KCNMA1: variants seen among roughly 807,000 people sequenced by gnomAD.
KCNMA1 encodes the protein Calcium-activated potassium channel subunit alpha-1.
A neutral mutation model predicts 140.0 loss-of-function variants in KCNMA1; 29 were observed. That is an observed-to-expected ratio of 0.21 (90% CI 0.15 to 0.28). The LOEUF is 0.28. KCNMA1 is among the 10% of genes least tolerant of loss of function. The pLI is 1.00. For synonymous variants in KCNMA1, 612 were observed against 611.9 expected, an observed-to-expected ratio of 1.00 and a Z score of 0.00; for missense variants, 880 against 1,602.2, an observed-to-expected ratio of 0.55 and a Z score of 7.70.
intron 1 of KCNMA1, among the ~76,000 whole-genome samples, chr10:77,484,711 G>C (rs1169799150): frequency 6.6e-6 from 1 of 152,204 alleles, no homozygotes; most frequent in Non-Finnish European, 1.5e-5. Flanking sequence ...AACAAGACAT[G>C]CTGGGCCCCA....
At chr10:77,086,323 T>G (rs971423051) in intron 11 of KCNMA1, among the ~76,000 whole-genome samples, 165 bp downstream of exon 11, 22 of 152,090 alleles carry the variant, frequency 1.4e-4, no homozygotes, top group Admixed American at 1.2e-3. Flanking sequence ...CTGGGACCAG[T>G]GGAAGGGTGA....
intron 2 of KCNMA1, among the ~76,000 whole-genome samples, chr10:77,364,044 C>A (rs1375160644): frequency 6.6e-6 from 1 of 152,210 alleles, no homozygotes; most frequent in African/African-American, 2.4e-5. Flanking sequence ...AGATCCTCAA[C>A]AACCTTTGTT....
chr10:77,018,170 C>T (rs539425210), intron 17 of KCNMA1, among the ~76,000 whole-genome samples: 1 of 152,268 alleles, frequency 6.6e-6, no homozygotes, highest in South Asian at 2.1e-4. Context: ...GAATGTAGCA[C>T]ACCTAGAACA....
intron 19 of KCNMA1, among the ~76,000 whole-genome samples, chr10:76,997,089 A>G (rs575933135): frequency 6.6e-6 from 1 of 152,284 alleles, no homozygotes. Flanking sequence ...TTCTATTGAC[A>G]ATGTTAATTC....
chr10:77,511,720 C>T (rs1198577747), intron 1 of KCNMA1, among the ~76,000 whole-genome samples: 3 of 152,132 alleles, frequency 2.0e-5, no homozygotes, highest in Non-Finnish European at 2.9e-5. Context: ...AGCTCATCTG[C>T]GTACTGTCAG....
intron 5 of KCNMA1, among the ~76,000 whole-genome samples, chr10:77,151,364 G>A (rs145651827): frequency 0.033 from 3 of 90 alleles, no homozygotes; most frequent in Non-Finnish European, 0.05. Flanking sequence ...AGTAGCTAGG[G>A]ACTCAGGTGA....
chr10:77,603,457 C>G (rs1181844052), intron 1 of KCNMA1, among the ~76,000 whole-genome samples: 1 of 152,200 alleles, frequency 6.6e-6, no homozygotes, highest in East Asian at 1.9e-4. Flanking sequence ...GCAATCCAAA[C>G]AGGGAGACAG....
chr10:77,553,319 C>A (rs1254319724), intron 1 of KCNMA1, among the ~76,000 whole-genome samples: 1 of 152,162 alleles, frequency 6.6e-6, no homozygotes, highest in Non-Finnish European at 1.5e-5. Context: ...TGAATTGGAG[C>A]TCATGGATAA....
At chr10:76,888,638 T>C (rs1421085038) in intron 27 of KCNMA1, among the ~76,000 whole-genome samples, 1 of 152,200 alleles carries the variant, frequency 6.6e-6, no homozygotes, top group Non-Finnish European at 1.5e-5. Context: ...AATTGGCACA[T>C]CTAAACTGTT....
chr10:77,273,369 C>T (rs577983612), intron 2 of KCNMA1, among the ~76,000 whole-genome samples: 1 of 152,154 alleles, frequency 6.6e-6, no homozygotes, highest in African/African-American at 2.4e-5. Flanking sequence ...AAAAAAAATC[C>T]AGTAAAGGCT....
At chr10:77,475,675 T>C (rs934960156) in intron 1 of KCNMA1, among the ~76,000 whole-genome samples, 1 of 152,184 alleles carries the variant, frequency 6.6e-6, no homozygotes, top group African/African-American at 2.4e-5. Flanking sequence ...TATCTTGTTA[T>C]CACATGGCCT....
At chr10:77,562,288 A>AT (rs546117487) in intron 1 of KCNMA1, among the ~76,000 whole-genome samples, 12 of 152,186 alleles carry the variant, frequency 7.9e-5, no homozygotes, top group South Asian at 2.1e-4. Context: ...GGATATTCAG[A>AT]TTTTTTTTAG....
At chr10:77,407,741 G>A (rs2096519380) in intron 1 of KCNMA1, among the ~76,000 whole-genome samples, 1 of 152,176 alleles carries the variant, frequency 6.6e-6, no homozygotes, top group Non-Finnish European at 1.5e-5. Flanking sequence ...CATTAAGGTG[G>A]TGGGGAAGCT....
chr10:77,295,787 CAAAAAAAAAAAA>C lies in KCNMA1; in HGVS notation c.541-44543_541-44532del, dbSNP rs36034012. ...TGGGCGACAGAGCGAGACTCCGTCT[CAAAAAAAAAAAA>C]AAAAAAAAAAAAAAAAAACAGTTTT... On this transcript the variant is annotated intron_variant, in intron 2 of 27. Transcript: ENST00000286628. Among the ~76,000 whole-genome samples, 6 of 43,246 alleles carry C rather than the reference CAAAAAAAAAAAA, an allele frequency of 1.4e-4. No individual in the cohort carries two copies. In the East Asian group the frequency reaches 5.1e-3, roughly 37 times the overall value. The allele number at this position is 43,246 out of a possible 152,430, so 28.4% of individuals were successfully genotyped here.
At chr10:77,131,661 T>C (rs1368896619) in intron 5 of KCNMA1, among the ~76,000 whole-genome samples, 1 of 150,456 alleles carries the variant, frequency 6.6e-6, no homozygotes, top group Non-Finnish European at 1.5e-5. Context: ...TGCATTCTCT[T>C]CGTGAAAATT....
chr10:77,195,621 C>T (rs947715232), intron 3 of KCNMA1, among the ~76,000 whole-genome samples: 3 of 151,304 alleles, frequency 2.0e-5, no homozygotes, highest in African/African-American at 7.3e-5. Flanking sequence ...ATTTATTTAT[C>T]AAAATTAGGT....
chr10:76,951,459 A>G (rs528752372), intron 21 of KCNMA1, among the ~76,000 whole-genome samples: 58 of 152,238 alleles, frequency 3.8e-4, no homozygotes, highest in African/African-American at 1.3e-3. Flanking sequence ...TCTCCCCTAC[A>G]TTTCAATAGC....
chr10:77,254,961 G>T (rs2060425230), intron 2 of KCNMA1, among the ~76,000 whole-genome samples: 1 of 152,174 alleles, frequency 6.6e-6, no homozygotes, highest in South Asian at 2.1e-4. Context: ...AAGGGCTTGG[G>T]GGCAGCAGTG....
intron 1 of KCNMA1, chr10:77,635,568 G>A (rs907316913): frequency 9.9e-5 from 15 of 152,242 alleles, no homozygotes; most frequent in African/African-American, 3.4e-4. Context: ...GAGAGGGAAT[G>A]TGGGAATTTG....
Sources: allele counts gnomAD v4.1 joint callset (sites outside exome capture counted in the v4.1 genomes callset), GRCh38; gene constraint gnomAD v4.1.1; transcripts MANE v1.5; gene names NCBI Gene and HGNC (gene_info 2026-07-23, HGNC 2026-07-21).